Variants in ABCA1 observed in about 807,000 individuals in gnomAD.
ABCA1 encodes the protein ATP binding cassette subfamily A member 1.
Under a neutral mutation model 262.5 loss-of-function variants are expected in ABCA1, and 133 were observed. That is an observed-to-expected ratio of 0.51 (90% CI 0.44 to 0.59). ABCA1 has a LOEUF of 0.59. Ranked by LOEUF, ABCA1 falls within the 20% of genes least tolerant of loss-of-function variation. ABCA1 has a pLI of 0.00. For missense variants in ABCA1, 2,452 were observed against 2,777.5 expected (o/e 0.88, Z 2.63); for synonymous variants, 1,022 against 1,043.5 (o/e 0.98, Z 0.40).
chr9:104,820,099 G>A, intron 20 of ABCA1, 30 bp from the exon 21 acceptor site: 7 of 1,613,978 alleles, frequency 4.3e-6, no homozygotes, highest in Non-Finnish European at 5.9e-6. Flanking sequence ...TCAGCTCTGG[G>A]CCCTACTGGA....
At chr9:104,858,295 C>T (rs1281922494) in intron 7 of ABCA1, among the ~76,000 whole-genome samples, 1 of 152,048 alleles carries the variant, frequency 6.6e-6, no homozygotes, top group East Asian at 1.9e-4. Context: ...AAACTTTTGG[C>T]TTAAACTCAG....
chr9:104,874,360 C>G (rs1837909749), intron 5 of ABCA1, among the ~76,000 whole-genome samples: 1 of 152,030 alleles, frequency 6.6e-6, no homozygotes, highest in Non-Finnish European at 1.5e-5. Flanking sequence ...CAAAGATGGT[C>G]AGGAGTTCAA....
chr9:104,849,843 T>G (rs928391531), intron 7 of ABCA1, among the ~76,000 whole-genome samples: 4 of 152,220 alleles, frequency 2.6e-5, no homozygotes, highest in Admixed American at 1.3e-4. Flanking sequence ...TCAACATTGA[T>G]AAATCTCAAG....
At chr9:104,909,898 C>G (rs886719074) in intron 1 of ABCA1, among the ~76,000 whole-genome samples, 1 of 152,178 alleles carries the variant, frequency 6.6e-6, no homozygotes, top group Non-Finnish European at 1.5e-5. Flanking sequence ...AACTCCTTCC[C>G]GTGACTGCCC....
rs1828845267 is a variant in ABCA1, at chr9:104,785,501, A to C, written c.6540T>G (p.Leu2180=). The change falls in exon 49 of 50, where the codon CTT becomes CTG. Residue 2180 remains leucine, a synonymous_variant. Coordinates refer to ENST00000374736, the MANE Select transcript of ABCA1 (RefSeq NM_005502.4). ...TGGCCAGAGAAGATAATGAAGATGG[A>C]AGCTGGTATTGTAGCATGTTCCGGT... is the stretch of plus-strand genomic sequence containing the variant. The part of the protein sequence containing the change: ...EKHRNMLQYQ[L]PSSLSSLARI... The C allele has an allele frequency of 6.3e-7, 1 of 1,590,474 alleles. No homozygotes were observed. The highest frequency in any genetic ancestry group is 1.4e-5 in the African/African-American group (1 of 73,824).
At chr9:104,873,231 T>C (rs1257499592) in intron 5 of ABCA1, among the ~76,000 whole-genome samples, 1 of 152,248 alleles carries the variant, frequency 6.6e-6, no homozygotes, top group African/African-American at 2.4e-5. Flanking sequence ...TTTGATGACA[T>C]AATGTTGACA....
At chr9:104,860,053 C>CAAAAAA (rs200596186) in intron 6 of ABCA1, among the ~76,000 whole-genome samples, 2 of 62,710 alleles carry the variant, frequency 3.2e-5, no homozygotes, top group Admixed American at 2.0e-4. Flanking sequence ...GACTCCAACT[C>CAAAAAA]AAAAAAAAAA....
Position 104,831,683 on chromosome 9 carries a change from CATG to C in ABCA1, c.1651_1653del (p.His551del). ...ATGTCCATTCGGATCTTGTACTTGA[CATG>C]ATGGGGCAGCTCAATGCTGCCTGGA... On this transcript the variant is annotated inframe_deletion, in exon 13 of 50. Transcript: ENST00000374736. The C allele has an allele frequency of 1.2e-6, 2 of 1,614,198 alleles. No homozygotes were observed. The highest frequency in any genetic ancestry group is 1.7e-6 in the Non-Finnish European group (2 of 1,180,042).
At chr9:104,794,576 G>A (rs909256790) in intron 39 of ABCA1, 66 bp from the exon 40 acceptor site, 13 of 1,557,980 alleles carry the variant, frequency 8.3e-6, no homozygotes, top group Non-Finnish European at 1.0e-5. Context: ...TGTCATTCAT[G>A]GTTTATCCTA....
In ABCA1 at chr9:104,885,574, A is replaced by G. The variant is rs10991389; in HGVS notation, c.161-1006T>C. On this transcript the variant is annotated intron_variant, in intron 3 of 49. Transcript: ENST00000374736. ...TCACTAATTAAAACAATGAGGCCCC[A>G]TGCACTAGGTCATCCTCTTGCTCTC... 4.1e-4 allele frequency among the ~76,000 whole-genome samples: 62 copies of G among 152,276 alleles called. No individual in the cohort carries two copies. In the East Asian group the frequency reaches 0.011, roughly 27 times the overall value.
intron 1 of ABCA1, among the ~76,000 whole-genome samples, chr9:104,913,272 G>T (rs1007894587): frequency 6.6e-6 from 1 of 152,176 alleles, no homozygotes; most frequent in Admixed American, 6.5e-5. Flanking sequence ...TGAGTTAATT[G>T]TTTCAGCAGG....
chr9:104,926,113 G>A (rs1388286671), intron 1 of ABCA1, among the ~76,000 whole-genome samples: 1 of 152,120 alleles, frequency 6.6e-6, no homozygotes, highest in Non-Finnish European at 1.5e-5. Context: ...TTCGGCCATG[G>A]AGGGCAAGTG....
chr9:104,832,611 G>C lies in ABCA1; in HGVS notation c.1472C>G (p.Thr491Ser), dbSNP rs1247545497. ...VYTWREAFNE[T>S]NQAIRTISRF... ...AGATATGGTCCGGATTGCCTGGTTA[G>C]TCTCGTTGAAAGCTTCTCTCCAGGT... is the stretch of plus-strand genomic sequence containing the variant. The change falls in exon 12 of 50, where the codon ACT (threonine) becomes AGT (serine). Residue 491 changes from threonine (T) to serine (S), a missense_variant. By Grantham distance (58) the Thr-to-Ser change is moderately conservative. Around this residue, in one of 4 missense-constraint regions of ABCA1, gnomAD observed 1,032 missense variants for 1,089.7 expected, o/e 0.95. Coordinates refer to ENST00000374736, the MANE Select transcript of ABCA1 (RefSeq NM_005502.4). The C allele has an allele frequency of 5.0e-6, 8 of 1,614,082 alleles. No homozygotes were observed. Among genetic ancestry groups the C allele is most frequent in the Non-Finnish European group, 5.1e-6 (6 of 1,180,048 alleles).
At position 104,782,512 on chromosome 9, in the gene ABCA1, C is replaced by T. The variant is rs549298167; in HGVS notation, c.*1803G>A. ...CTCATATTTTTCTTTTCTCTCAAGA[C>T]AGTTAACAGTAAGTATTAGTGAAAC... is the stretch of plus-strand genomic sequence containing the variant. On this transcript the variant is annotated 3_prime_UTR_variant, in exon 50 of 50. Transcript: ENST00000374736. 8 of 152,124 alleles carry T rather than the reference C, an allele frequency of 5.3e-5. No homozygotes were observed. Among genetic ancestry groups the T allele is most frequent in the Non-Finnish European group, 8.8e-5 (6 of 67,998 alleles). The allele number at this position is 152,124 out of a possible 1,614,324, so 9.4% of individuals were successfully genotyped here.
Position 104,816,115 on chromosome 9 carries a change from T to C in ABCA1, c.3738+28A>G, listed in dbSNP as rs375943984. 37 of 1,613,468 alleles carry C rather than the reference T, an allele frequency of 2.3e-5. No homozygotes were observed. In the African/African-American group the frequency reaches 4.1e-4, roughly 18 times the overall value. ...CCTTAGGACATTTGGCCTTGCTATATATTCCGACAGTCAGCCACTTAACTT... is the reference window on the plus strand; with the variant it reads ...CCTTAGGACATTTGGCCTTGCTATACATTCCGACAGTCAGCCACTTAACTT... On this transcript the variant is annotated intron_variant, in intron 25 of 49. Transcript: ENST00000374736.
At chr9:104,880,487 T>C (rs868314797) in intron 5 of ABCA1, among the ~76,000 whole-genome samples, 2 of 146,176 alleles carry the variant, frequency 1.4e-5, no homozygotes, top group Middle Eastern at 6.9e-3. Flanking sequence ...CTAGCCTGGG[T>C]AACAGAAAGA....
At chr9:104,873,442 G>T (rs987924075) in intron 5 of ABCA1, among the ~76,000 whole-genome samples, 9 of 152,228 alleles carry the variant, frequency 5.9e-5, no homozygotes, top group African/African-American at 2.2e-4. Flanking sequence ...CCTGAAGCCA[G>T]GAAGTGGAGT....
chr9:104,863,705 C>G (rs1243023637), intron 5 of ABCA1, among the ~76,000 whole-genome samples: 5 of 152,170 alleles, frequency 3.3e-5, no homozygotes, highest in African/African-American at 1.2e-4. Context: ...TCACTGCTAC[C>G]CCTCTATGGC....
chr9:104,833,118 G>C (rs2119010967), intron 11 of ABCA1, among the ~76,000 whole-genome samples: 1 of 152,286 alleles, frequency 6.6e-6, no homozygotes, highest in Admixed American at 6.5e-5. Flanking sequence ...TTACTATGTT[G>C]AATAGTGTAT....
Sources: allele counts gnomAD v4.1 joint callset (sites outside exome capture counted in the v4.1 genomes callset), GRCh38; gene constraint gnomAD v4.1.1; regional missense constraint gnomAD v4.1.1; transcripts MANE v1.5; gene names NCBI Gene and HGNC (gene_info 2026-07-23, HGNC 2026-07-21).